The following CADPS2 variants were observed in gnomAD, a reference collection of about 807,000 sequenced individuals.
CADPS2 encodes the protein calcium dependent secretion activator 2, also known as calcium-dependent secretion activator 2.
A neutral mutation model predicts 172.5 loss-of-function variants in CADPS2; 93 were observed. The ratio of observed to expected loss-of-function variants is 0.54; its 90% CI spans 0.46 to 0.64. CADPS2 has a LOEUF of 0.64. Ranked by LOEUF, CADPS2 falls within the 30% of genes least tolerant of loss-of-function variation. The probability of loss-of-function intolerance (pLI) is 0.00; values close to 1 mark genes in which losing one functional copy is unlikely to be tolerated. For missense variants in CADPS2, 1,420 were observed against 1,565.9 expected (o/e 0.91, Z 1.57); for synonymous variants, 546 against 555.2 (o/e 0.98, Z 0.23).
chr7:122,860,229 A>G (rs1816575244), intron 1 of CADPS2, among the ~76,000 whole-genome samples: 1 of 152,048 alleles, frequency 6.6e-6, no homozygotes, highest in Admixed American at 6.6e-5. Context: ...CAAGTACCTG[A>G]CACAACATTT....
chr7:122,320,410 G>T (rs564681611), intron 29 of CADPS2, 72 bp from the exon 30 acceptor site: 3 of 1,217,220 alleles, frequency 2.5e-6, no homozygotes, highest in South Asian at 2.3e-5. Flanking sequence ...TACTCAGTTG[G>T]CATTTCAAAA....
intron 6 of CADPS2, among the ~76,000 whole-genome samples, chr7:122,583,787 TA>T: frequency 6.6e-6 from 1 of 151,180 alleles, no homozygotes; most frequent in Non-Finnish European, 1.5e-5. Context: ...ATACATAACA[TA>T]CATATCATAT....
At chr7:122,759,698 C>A (rs1381475962) in intron 1 of CADPS2, among the ~76,000 whole-genome samples, 3 of 152,122 alleles carry the variant, frequency 2.0e-5, no homozygotes, top group African/African-American at 7.2e-5. Flanking sequence ...AATGAGACTG[C>A]AGGAATCCAA....
chr7:122,837,088 A>G (rs990172525), intron 1 of CADPS2, among the ~76,000 whole-genome samples: 1 of 152,250 alleles, frequency 6.6e-6, no homozygotes, highest in Non-Finnish European at 1.5e-5. Flanking sequence ...CTCTCAGACC[A>G]CAGTGCAATC....
chr7:122,721,891 G>A (rs545136361), intron 2 of CADPS2, among the ~76,000 whole-genome samples: 110 of 152,160 alleles, frequency 7.2e-4, no homozygotes, highest in Non-Finnish European at 9.1e-4. Flanking sequence ...TTCAATATAC[G>A]CGAATCAATA....
chr7:122,323,873 T>TTTTATATATA (rs1390141913), intron 29 of CADPS2, among the ~76,000 whole-genome samples: 8 of 112,526 alleles, frequency 7.1e-5, no homozygotes, highest in South Asian at 5.1e-4. Context: ...TATGTATATT[T>TTTTATATATA]TATATATATA....
intron 1 of CADPS2, among the ~76,000 whole-genome samples, chr7:122,848,639 T>A (rs189654943): frequency 6.6e-6 from 1 of 152,362 alleles, no homozygotes; most frequent in Admixed American, 6.5e-5. Flanking sequence ...TGCCTGTTTT[T>A]TCCCCATTAT....
chr7:122,574,607 C>T (rs1415038405), intron 7 of CADPS2, among the ~76,000 whole-genome samples: 1 of 151,018 alleles, frequency 6.6e-6, no homozygotes, highest in Non-Finnish European at 1.5e-5. Context: ...TTTCATGTCC[C>T]AGAAAGCAAA....
At chr7:122,350,812 C>A (rs2038435877) in intron 27 of CADPS2, among the ~76,000 whole-genome samples, 1 of 151,298 alleles carries the variant, frequency 6.6e-6, no homozygotes, top group African/African-American at 2.4e-5. Flanking sequence ...ATGGCAAGAC[C>A]CTGCCTGTAT....
chr7:122,639,982 G>A (rs997233996), intron 3 of CADPS2, among the ~76,000 whole-genome samples: 1 of 152,212 alleles, frequency 6.6e-6, no homozygotes, highest in Non-Finnish European at 1.5e-5. Flanking sequence ...TTGCCTACTC[G>A]AGTTTCAGCT....
At chr7:122,418,642 G>T (rs545270494) in intron 17 of CADPS2, among the ~76,000 whole-genome samples, 25 of 152,144 alleles carry the variant, frequency 1.6e-4, no homozygotes, top group Non-Finnish European at 3.4e-4. Flanking sequence ...GAATAGAAAA[G>T]AAGGGAAAGA....
chr7:122,616,382 T>C (rs73719721), intron 5 of CADPS2, among the ~76,000 whole-genome samples: 4 of 152,058 alleles, frequency 2.6e-5, no homozygotes, highest in Non-Finnish European at 5.9e-5. Context: ...AGAATTTTGA[T>C]CCAAAAGGGC....
rs941391130 is a variant in CADPS2, at chr7:122,490,738, C to A, written c.1652-457G>T. Among the ~76,000 whole-genome samples, 9 of 152,080 alleles carry A rather than the reference C, an allele frequency of 5.9e-5. No homozygotes were observed. The East Asian group carries it at 1.5e-3, about 26-fold the overall frequency. The stretch of plus-strand genomic sequence containing the variant: ...CATAATATTTTGCATTTTAAGTGAA[C>A]AATTAGTTAATATAGTCATAAATTT... On this transcript the variant is annotated intron_variant, in intron 10 of 29. Transcript: ENST00000449022.
intron 2 of CADPS2, among the ~76,000 whole-genome samples, chr7:122,731,654 A>T (rs1325588737): frequency 6.8e-6 from 1 of 147,234 alleles, no homozygotes; most frequent in African/African-American, 2.5e-5. Flanking sequence ...TGCTTAAAGA[A>T]AAAAAAAAGG....
chr7:122,472,812 A>T (rs1380070429), intron 13 of CADPS2, among the ~76,000 whole-genome samples: 2 of 152,174 alleles, frequency 1.3e-5, no homozygotes, highest in Non-Finnish European at 2.9e-5. Flanking sequence ...CTTAATAAAC[A>T]ATCTATAAAT....
rs764553512 is a variant in CADPS2, at chr7:122,663,465, C to G, written c.558G>C (p.Arg186=). The G allele has an allele frequency of 6.2e-7, 1 of 1,613,946 alleles. No homozygotes were observed. Among genetic ancestry groups the G allele is most frequent in the South Asian group, 1.1e-5 (1 of 91,078 alleles). The change falls in exon 3 of 30, where the codon CGG becomes CGC. Residue 186 remains arginine (R), a synonymous_variant. Coordinates refer to ENST00000449022, the MANE Select transcript of CADPS2 (RefSeq NM_017954.11). ...TCAAGCCATCTATTTCTGGCAAACTCCGCACACGTTTTTCTATGTTTTTCT... is the reference window on the plus strand; with the variant it reads ...TCAAGCCATCTATTTCTGGCAAACTGCGCACACGTTTTTCTATGTTTTTCT... The part of the protein sequence containing the change: ...VFKKNIEKRV[R]SLPEIDGLSK...
At chr7:122,856,068 C>T (rs988219386) in intron 1 of CADPS2, among the ~76,000 whole-genome samples, 9 of 152,234 alleles carry the variant, frequency 5.9e-5, no homozygotes, top group Middle Eastern at 3.4e-3. Context: ...AACATAGATA[C>T]CTTTGCAGGC....
chr7:122,407,182 A>T (rs541256531), intron 20 of CADPS2, among the ~76,000 whole-genome samples: 2 of 152,304 alleles, frequency 1.3e-5, no homozygotes, highest in South Asian at 2.1e-4. Context: ...ACAATAATGA[A>T]TTATTAAGGT....
Position 122,645,681 on chromosome 7 carries a change from A to ATATATATATATATC in CADPS2, c.787-16354_787-16353insGATATATATATATA, listed in dbSNP as rs796988558. On this transcript the variant is annotated intron_variant, in intron 3 of 29. Transcript: ENST00000449022. The stretch of plus-strand genomic sequence containing the variant: ...AAGATATATATATATATATATATAT[A>ATATATATATATATC]TCTTGGGATTTTGCTCTTAGTTAGA... Among the ~76,000 whole-genome samples, 29 of 116,832 alleles carry ATATATATATATATC rather than the reference A, an allele frequency of 2.5e-4. 1 individual carries two copies. The highest frequency in any genetic ancestry group is 6.4e-4 in the South Asian group (2 of 3,148). The allele number at this position is 116,832 out of a possible 152,430, so 76.6% of individuals were successfully genotyped here. A position where few individuals can be genotyped will look rare whatever the true frequency, so the allele number is the denominator to read the frequency against.
Sources: gnomAD v4.1 joint callset for allele counts (sites outside exome capture counted in the v4.1 genomes callset) on GRCh38, gnomAD v4.1.1 for gene constraint, MANE v1.5 for transcripts, NCBI Gene and HGNC (gene_info 2026-07-23, HGNC 2026-07-21) for gene names.